Variants in PARD3 observed in about 807,000 individuals in gnomAD.
PARD3 encodes the protein partitioning defective 3 homolog.
In PARD3, 75 loss-of-function variants were observed where a neutral mutation model predicts 155.4. That is an observed-to-expected ratio of 0.48 (90% confidence interval 0.40 to 0.58). PARD3 has a LOEUF of 0.58. PARD3 is among the 20% of genes least tolerant of loss of function. The pLI is 0.00. For synonymous variants in PARD3, 576 were observed against 610.5 expected (o/e 0.94, Z 0.83); for missense variants, 1,642 against 1,721.7 (o/e 0.95, Z 0.82).
At chr10:34,150,971 A>G (rs904670282) in intron 22 of PARD3, among the ~76,000 whole-genome samples, 1 of 152,190 alleles carries the variant, frequency 6.6e-6, no homozygotes, top group Non-Finnish European at 1.5e-5. Context: ...TCTCATGAAA[A>G]GAGGGAAAGA....
At chr10:34,614,981 A>G (rs747744818) in intron 2 of PARD3, among the ~76,000 whole-genome samples, 4 of 152,190 alleles carry the variant, frequency 2.6e-5, no homozygotes, top group Non-Finnish European at 5.9e-5. Flanking sequence ...GATCAAGACC[A>G]TCCTGGCTAA....
At chr10:34,472,795 A>C (rs757854842) in intron 3 of PARD3, among the ~76,000 whole-genome samples, 5 of 152,196 alleles carry the variant, frequency 3.3e-5, no homozygotes, top group African/African-American at 4.8e-5. Context: ...AAATTCAAGG[A>C]CTGAATTAGC....
At chr10:34,731,710 T>C (rs11009900) in intron 1 of PARD3, among the ~76,000 whole-genome samples, 42,244 of 152,126 alleles carry the variant, frequency 0.28, 7,208 homozygotes, top group Non-Finnish European at 0.38. Context: ...TATCCAACAT[T>C]CCCATCTCCT....
At chr10:34,581,687 A>T (rs373292473) in intron 2 of PARD3, among the ~76,000 whole-genome samples, 1 of 152,178 alleles carries the variant, frequency 6.6e-6, no homozygotes, top group Non-Finnish European at 1.5e-5. Context: ...CCTGACTCCT[A>T]CACTGCAAAT....
chr10:34,616,928 C>G (rs1010430553), intron 2 of PARD3, among the ~76,000 whole-genome samples: 3 of 123,664 alleles, frequency 2.4e-5, no homozygotes, highest in African/African-American at 8.9e-5. Flanking sequence ...GAGCACCTGT[C>G]TCAAAAAAAA....
chr10:34,368,190 A>T (rs1477483696), intron 12 of PARD3, among the ~76,000 whole-genome samples: 1 of 152,230 alleles, frequency 6.6e-6, no homozygotes, highest in Non-Finnish European at 1.5e-5. Flanking sequence ...CGGAGGCTCC[A>T]GTGAGCCGAC....
intron 2 of PARD3, among the ~76,000 whole-genome samples, chr10:34,639,286 C>T (rs2092588302): frequency 1.3e-5 from 2 of 151,946 alleles, no homozygotes; most frequent in Admixed American, 1.3e-4. Context: ...ATCCCAGCTA[C>T]TCGGGAGGCT....
chr10:34,732,018 C>G (rs1457227080), intron 1 of PARD3, among the ~76,000 whole-genome samples: 1 of 152,152 alleles, frequency 6.6e-6, no homozygotes, highest in Non-Finnish European at 1.5e-5. Flanking sequence ...TGAATCACAG[C>G]TATTAATCTT....
rs558883195 is a variant in PARD3 at position 34,538,003 on chromosome 10, G to GA, written c.223-20845dup. Among the ~76,000 whole-genome samples, 203 of 152,192 alleles carry GA rather than the reference G, an allele frequency of 1.3e-3. 1 individual carries two copies. Among genetic ancestry groups the GA allele is most frequent in the African/African-American group, 4.5e-3 (188 of 41,512 alleles). On this transcript the variant is annotated intron_variant, in intron 2 of 24. Coordinates refer to ENST00000374788, the MANE Select transcript of PARD3 (RefSeq NM_001184785.2). ...CTTAGGCAAGTGGCAAATGACAAGG[G>GA]AAAAAAATCACCTCACAAAGTGTGA...
intron 22 of PARD3, among the ~76,000 whole-genome samples, chr10:34,134,901 A>G (rs1947813073): frequency 6.6e-6 from 1 of 152,206 alleles, no homozygotes; most frequent in Admixed American, 6.5e-5. Context: ...ATGAGCCAAT[A>G]ATTCAAATTT....
At chr10:34,444,292 G>A (rs1367156956) in intron 5 of PARD3, among the ~76,000 whole-genome samples, 1 of 152,146 alleles carries the variant, frequency 6.6e-6, no homozygotes, top group Non-Finnish European at 1.5e-5. Context: ...AATTCTTCCA[G>A]TCATGTATCA....
intron 23 of PARD3, among the ~76,000 whole-genome samples, chr10:34,128,648 T>C (rs1947423097): frequency 6.6e-6 from 1 of 152,098 alleles, no homozygotes; most frequent in Non-Finnish European, 1.5e-5. Context: ...TAGTACTGCT[T>C]CTCCCATTTT....
chr10:34,180,673 A>C (rs979627000), intron 22 of PARD3, among the ~76,000 whole-genome samples: 1 of 152,186 alleles, frequency 6.6e-6, no homozygotes, highest in Non-Finnish European at 1.5e-5. Context: ...ACTTGGAAAA[A>C]GCTAGACTAC....
chr10:34,538,304 C>T (rs1034377750), intron 2 of PARD3, among the ~76,000 whole-genome samples: 3 of 152,208 alleles, frequency 2.0e-5, no homozygotes, highest in Non-Finnish European at 1.5e-5. Flanking sequence ...ATCAGAGCAC[C>T]TAGCACGTAT....
intron 2 of PARD3, among the ~76,000 whole-genome samples, chr10:34,585,801 T>G (rs2087976619): frequency 1.3e-5 from 2 of 152,178 alleles, no homozygotes; most frequent in African/African-American, 4.8e-5. Flanking sequence ...GGAAGGTATA[T>G]CTGCATTTGC....
intron 24 of PARD3, among the ~76,000 whole-genome samples, chr10:34,112,643 C>G (rs1393342437): frequency 6.6e-6 from 1 of 152,148 alleles, no homozygotes; most frequent in Non-Finnish European, 1.5e-5. Context: ...CACAACACAG[C>G]TGAATGTTCA....
At chr10:34,723,770 C>T (rs1018614840) in intron 1 of PARD3, among the ~76,000 whole-genome samples, 16 of 152,276 alleles carry the variant, frequency 1.1e-4, no homozygotes, top group African/African-American at 2.4e-4. Context: ...GTATTGATCA[C>T]GGCGATGCAG....
In PARD3 at chr10:34,598,679, A is replaced by G. The variant is rs150908229; in HGVS notation, c.223-81520T>C. On this transcript the variant is annotated intron_variant, in intron 2 of 24. Transcript: ENST00000374788. The stretch of plus-strand genomic sequence containing the variant: ...ATGGGGTTGCACCCCATTACCAAAT[A>G]CATTTGAAAACTGGGGAAAACAAGG... Among the ~76,000 whole-genome samples the G allele has an allele frequency of 1.7e-4, 26 of 152,332 alleles. 1 individual carries two copies. In the East Asian group the frequency reaches 5.0e-3, roughly 29 times the overall value.
chr10:34,511,534 T>TGCAG (rs772972861), intron 3 of PARD3, among the ~76,000 whole-genome samples: 2 of 152,164 alleles, frequency 1.3e-5, no homozygotes, highest in Admixed American at 6.5e-5. Flanking sequence ...AGAGAATGAA[T>TGCAG]GCAGCATCCT....
Sources: allele counts gnomAD v4.1 joint callset (sites outside exome capture counted in the v4.1 genomes callset), GRCh38; gene constraint gnomAD v4.1.1; transcripts MANE v1.5; gene names NCBI Gene and HGNC (gene_info 2026-07-23, HGNC 2026-07-21).